ZNF799: variants seen among roughly 807,000 people sequenced by gnomAD.
The protein encoded by ZNF799 is zinc finger protein 14.
A neutral mutation model predicts 41.0 loss-of-function variants in ZNF799; 28 were observed. That is an observed-to-expected ratio of 0.68 (90% CI 0.51 to 0.94). The LOEUF (loss-of-function observed/expected upper bound fraction) is 0.94, where lower values mean the gene tolerates loss of function less well. Among genes scored for constraint, ZNF799 ranks in the 40% least tolerant of loss-of-function variants. The pLI is 0.00. For synonymous variants in ZNF799, 213 were observed against 252.9 expected (o/e 0.84, Z 1.50); for missense variants, 716 against 764.3 (o/e 0.94, Z 0.74).
the ZNF799 span, among the ~76,000 whole-genome samples, chr19:12,410,040 C>T: frequency 6.6e-6 from 1 of 151,988 alleles, no homozygotes; most frequent in East Asian, 1.9e-4. Context: ...CCTAGATACT[C>T]GGGAAGCTGA....
upstream of ZNF799, among the ~76,000 whole-genome samples, chr19:12,403,252 AATT>A: frequency 6.6e-6 from 1 of 152,204 alleles, no homozygotes; most frequent in Admixed American, 6.5e-5. Context: ...TGATCCTTTG[AATT>A]TCTGCAGTAT....
chr19:12,413,206 G>A, the ZNF799 span, among the ~76,000 whole-genome samples: 2 of 152,120 alleles, frequency 1.3e-5, no homozygotes, highest in Non-Finnish European at 2.9e-5. Flanking sequence ...TGTCTTCCAT[G>A]TAGAACCTTT....
At chr19:12,407,825 A>G in the ZNF799 span, among the ~76,000 whole-genome samples, 57 of 152,280 alleles carry the variant, frequency 3.7e-4, no homozygotes, top group Admixed American at 9.8e-4. Flanking sequence ...TTCATTGTGA[A>G]TGGAATACTC....
chr19:12,404,905 C>A (rs375188924), upstream of ZNF799, among the ~76,000 whole-genome samples: 11 of 152,270 alleles, frequency 7.2e-5, 1 homozygote, highest in African/African-American at 2.6e-4. Context: ...CTGGGTGCCT[C>A]TGTGAGGGTG....
At chr19:12,400,970 G>A (rs1216236094) in intron 1 of ZNF799, 98 bp downstream of exon 1, 71 of 1,607,326 alleles carry the variant, frequency 4.4e-5, no homozygotes, top group Middle Eastern at 1.7e-4. Flanking sequence ...GTAGATCCCG[G>A]AGTAGCCCTT....
Position 12,391,429 on chromosome 19 carries a change from G to A in ZNF799, c.969C>T (p.Ser323=), listed in dbSNP as rs768051264. Residue 323 remains serine, a synonymous_variant, in exon 4 of 4, where the codon AGC becomes AGT. Coordinates refer to ENST00000430385, the MANE Select transcript of ZNF799 (RefSeq NM_001080821.3). ...TGTGCATTACCATGTGTCTTTGAAA[G>A]CTTCCCAGATGATGAAACGCTTTCC... ...QCGKAFHHLG[S]FQRHMVMHTR... is the part of the protein sequence containing the mutation. The A allele has an allele frequency of 1.9e-6, 3 of 1,614,120 alleles. No individual in the cohort carries two copies. In the South Asian group the frequency reaches 3.3e-5, roughly 18 times the overall value.
chr19:12,409,704 A>G, the ZNF799 span, among the ~76,000 whole-genome samples: 1 of 152,240 alleles, frequency 6.6e-6, no homozygotes, highest in African/African-American at 2.4e-5. Context: ...ATGCAATCTA[A>G]CCATATTAGA....
At chr19:12,392,289 T>A in intron 3 of ZNF799, 83 bp from the exon 4 acceptor site, 1 of 1,504,022 alleles carries the variant, frequency 6.6e-7, no homozygotes, top group Non-Finnish European at 8.9e-7. Context: ...TGTACATTTT[T>A]AACACTATCA....
At chr19:12,409,679 G>C in the ZNF799 span, among the ~76,000 whole-genome samples, 1 of 152,102 alleles carries the variant, frequency 6.6e-6, no homozygotes. Flanking sequence ...ATTTAAAATA[G>C]ATATTCTGTA....
chr19:12,400,871 G>C, intron 1 of ZNF799, 197 bp downstream of exon 1: 3 of 914,888 alleles, frequency 3.3e-6, no homozygotes, highest in Non-Finnish European at 4.9e-6. Flanking sequence ...TCGCCGCGCA[G>C]GAACGGGACA....
chr19:12,399,901 T>C (rs1462160024), intron 1 of ZNF799, among the ~76,000 whole-genome samples: 1 of 152,106 alleles, frequency 6.6e-6, no homozygotes, highest in Non-Finnish European at 1.5e-5. Context: ...ACCTCTGCCT[T>C]AGCCTCCCAA....
At chr19:12,400,845 G>A (rs1969969754) in intron 1 of ZNF799, 2 of 711,698 alleles carry the variant, frequency 2.8e-6, no homozygotes, top group African/African-American at 1.8e-5. Context: ...GCCCAGAGAG[G>A]GCGCCGGGGC....
At position 12,390,632 on chromosome 19, in the gene ZNF799, T is replaced by C. The variant is rs201078380; in HGVS notation, c.1766A>G (p.Glu589Gly). Residue 589 changes from glutamate (E) to glycine (G), a missense_variant, in exon 4 of 4, where the codon GAA (glutamate) becomes GGA (glycine). By Grantham distance (98) the Glu-to-Gly change is moderately conservative. Around this residue, in one of 2 missense-constraint regions of ZNF799, gnomAD observed 698 missense variants for 713.6 expected, o/e 0.98. Coordinates refer to ENST00000430385, the MANE Select transcript of ZNF799 (RefSeq NM_001080821.3). ...AAATGCTTTCCCACATTCCTTACAT[T>C]CATACGGGTTCTCTCCAGTATGAGT... ...EKTHTGENPY[E>G]CKECGKAFAS... The C allele has an allele frequency of 3.7e-6, 6 of 1,613,564 alleles. No homozygotes were observed. The highest frequency in any genetic ancestry group is 2.2e-5 in the South Asian group (2 of 91,032).
chr19:12,407,736 G>A, the ZNF799 span, among the ~76,000 whole-genome samples: 389 of 152,246 alleles, frequency 2.6e-3, 2 homozygotes, highest in African/African-American at 9.0e-3. Flanking sequence ...TCTGGGATAC[G>A]AGGGAGGAAT....
intron 1 of ZNF799, among the ~76,000 whole-genome samples, chr19:12,396,837 T>C (rs1201471231): frequency 6.6e-6 from 1 of 151,784 alleles, no homozygotes; most frequent in African/African-American, 2.4e-5. Flanking sequence ...TGAGAGAATG[T>C]GTTACTGGTG....
At chr19:12,414,405 C>T in the ZNF799 span, among the ~76,000 whole-genome samples, 4 of 152,166 alleles carry the variant, frequency 2.6e-5, no homozygotes, top group Non-Finnish European at 5.9e-5. Context: ...CTTACTACCT[C>T]TTCCCCTGGA....
chr19:12,409,493 G>A, the ZNF799 span, among the ~76,000 whole-genome samples: 1 of 152,172 alleles, frequency 6.6e-6, no homozygotes, highest in Non-Finnish European at 1.5e-5. Flanking sequence ...GATCAATTGA[G>A]TAGAAAAATC....
chr19:12,406,173 A>T (rs1299746093), upstream of ZNF799, among the ~76,000 whole-genome samples: 5 of 150,332 alleles, frequency 3.3e-5, no homozygotes, highest in East Asian at 9.7e-4. Context: ...TGTCTCAAAA[A>T]AAAAAAAAAA....
rs1969898749 is a variant in ZNF799, at chr19:12,396,714, A to C, written c.4-3291T>G. Among the ~76,000 whole-genome samples the C allele has an allele frequency of 2.0e-5, 3 of 152,060 alleles. No individual in the cohort carries two copies. The South Asian group carries it at 6.2e-4, about 32-fold the overall frequency. ...GCAGCTGCAGGGTACAACTAAAATGAAGACATCATCACAAGTGTTCAAAAG... is the reference window on the plus strand; with the variant it reads ...GCAGCTGCAGGGTACAACTAAAATGCAGACATCATCACAAGTGTTCAAAAG... On this transcript the variant is annotated intron_variant, in intron 1 of 3. Transcript: ENST00000430385.
Sources: allele counts gnomAD v4.1 joint callset (sites outside exome capture counted in the v4.1 genomes callset), GRCh38; gene constraint gnomAD v4.1.1; regional missense constraint gnomAD v4.1.1; transcripts MANE v1.5; gene names NCBI Gene and HGNC (gene_info 2026-07-23, HGNC 2026-07-21).